Variants in SMC6 observed in about 807,000 individuals in gnomAD.
SMC6 encodes structural maintenance of chromosomes 6.
In SMC6, 79 loss-of-function variants were observed where a neutral mutation model predicts 142.2. The observed-to-expected ratio is 0.56, with a 90% CI of 0.46 to 0.67. The LOEUF (loss-of-function observed/expected upper bound fraction) is 0.67, where lower values mean the gene tolerates loss of function less well. Among genes scored for constraint, SMC6 ranks in the 30% least tolerant of loss-of-function variants. SMC6 has a pLI of 0.00. For missense variants in SMC6, 1,072 were observed against 1,284.0 expected, an observed-to-expected ratio of 0.83 and a Z score of 2.52; for synonymous variants, 411 against 412.4, an observed-to-expected ratio of 1.00 and a Z score of 0.04.
chr2:17,716,643 G>T, intron 14 of SMC6, 98 bp downstream of exon 14: 2 of 1,210,286 alleles, frequency 1.7e-6, no homozygotes, highest in Non-Finnish European at 1.2e-6. Context: ...CCCTTATTAT[G>T]TAGAAGAAAC....
chr2:17,672,068 C>T (rs1360894301), intron 25 of SMC6, among the ~76,000 whole-genome samples: 2 of 151,926 alleles, frequency 1.3e-5, no homozygotes, highest in South Asian at 2.1e-4. Context: ...AATTTTACAC[C>T]TATCATAAGT....
At chr2:17,675,560 T>C in intron 25 of SMC6, among the ~76,000 whole-genome samples, 1 of 152,138 alleles carries the variant, frequency 6.6e-6, no homozygotes, top group East Asian at 1.9e-4. Flanking sequence ...TTTCAGCTTT[T>C]GTTTGTCTGA....
chr2:17,751,741 G>C (rs560561217), intron 2 of SMC6, among the ~76,000 whole-genome samples: 1 of 152,296 alleles, frequency 6.6e-6, no homozygotes, highest in South Asian at 2.1e-4. Context: ...CAGTCAGCTG[G>C]ACTTATCGTT....
chr2:17,723,843 C>T (rs1323425731), intron 9 of SMC6, among the ~76,000 whole-genome samples: 2 of 152,160 alleles, frequency 1.3e-5, no homozygotes, highest in African/African-American at 4.8e-5. Context: ...TAGTTTCTAG[C>T]CTTTACATGC....
At chr2:17,679,050 AC>A in intron 24 of SMC6, 86 bp from the exon 25 acceptor site, 1 of 851,252 alleles carries the variant, frequency 1.2e-6, no homozygotes, top group Non-Finnish European at 1.8e-6. Flanking sequence ...ATGTGAGAAA[AC>A]CAGATGGAAA....
intron 25 of SMC6, among the ~76,000 whole-genome samples, chr2:17,678,122 C>G (rs1667082983): frequency 6.6e-6 from 1 of 151,946 alleles, no homozygotes; most frequent in Non-Finnish European, 1.5e-5. Flanking sequence ...GTGGCCAGAT[C>G]TAGGGACAAC....
rs561015394 is a variant in SMC6, at chr2:17,706,693, T to C, written c.2006+526A>G. 1.8e-4 allele frequency among the ~76,000 whole-genome samples: 28 copies of C among 152,300 alleles called. No individual in the cohort carries two copies. The South Asian group carries it at 5.8e-3, about 32-fold the overall frequency. ...ACCAAAATTTCTTTTTGCATGCTCA[T>C]GAATCTCTTAATAGTTTTTCGTTTA... On this transcript the variant is annotated intron_variant, in intron 18 of 27. Transcript: ENST00000448223.
chr2:17,695,059 A>G, intron 23 of SMC6, 93 bp downstream of exon 23: 1 of 1,390,140 alleles, frequency 7.2e-7, no homozygotes, highest in Non-Finnish European at 1.0e-6. Flanking sequence ...GTAACACTTC[A>G]TTCAAATTTA....
chr2:17,674,790 A>G (rs1666927575), intron 25 of SMC6, among the ~76,000 whole-genome samples: 1 of 152,044 alleles, frequency 6.6e-6, no homozygotes, highest in Non-Finnish European at 1.5e-5. Context: ...CTCTAGTAAT[A>G]TTTCTTGCAT....
At chr2:17,713,504 G>A (rs1205437493) in intron 16 of SMC6, 1 of 471,038 alleles carries the variant, frequency 2.1e-6, no homozygotes, top group African/African-American at 2.0e-5. Flanking sequence ...GGCAGTGCCA[G>A]GCACTCTTCT....
intron 13 of SMC6, 74 bp from the exon 14 acceptor site, chr2:17,716,979 G>A: frequency 6.6e-7 from 1 of 1,525,058 alleles, no homozygotes; most frequent in Non-Finnish European, 8.9e-7. Flanking sequence ...ACAAACCGAT[G>A]TAATAAAATT....
intron 25 of SMC6, among the ~76,000 whole-genome samples, chr2:17,673,158 CAG>C (rs1203752516): frequency 6.6e-6 from 1 of 152,144 alleles, no homozygotes; most frequent in East Asian, 1.9e-4. Context: ...TGATGACTAA[CAG>C]CGCTTTTTCA....
chr2:17,711,500 A>T (rs1668824106), intron 16 of SMC6, among the ~76,000 whole-genome samples: 1 of 152,064 alleles, frequency 6.6e-6, no homozygotes, highest in African/African-American at 2.4e-5. Flanking sequence ...GGACAAAATG[A>T]TTTTTTTTCA....
rs755290189 is a variant in SMC6, at chr2:17,716,728, T to C, written c.1346+13A>G. 25 of 1,603,996 alleles carry C rather than the reference T, an allele frequency of 1.6e-5. No individual in the cohort carries two copies. In the East Asian group the frequency reaches 5.1e-4, roughly 33 times the overall value. ...TAATTGAAAAAAATCATTCTAAGGA[T>C]GTTGCAACTTACTTAATTTTGCCAT... On this transcript the variant is annotated intron_variant, in intron 14 of 27. Transcript: ENST00000448223.
At chr2:17,697,225 T>C (rs537453620) in intron 21 of SMC6, among the ~76,000 whole-genome samples, 1 of 151,872 alleles carries the variant, frequency 6.6e-6, no homozygotes, top group African/African-American at 2.4e-5. Context: ...AGGTTCTGGA[T>C]AGTTCAGTTA....
chr2:17,733,849 T>C (rs1670019935), intron 5 of SMC6, among the ~76,000 whole-genome samples: 1 of 152,218 alleles, frequency 6.6e-6, no homozygotes, highest in Admixed American at 6.5e-5. Flanking sequence ...ATAAGATCAC[T>C]TCCTTATACA....
At chr2:17,687,628 T>C (rs368075262) in intron 23 of SMC6, among the ~76,000 whole-genome samples, 15 of 152,234 alleles carry the variant, frequency 9.9e-5, no homozygotes, top group African/African-American at 3.6e-4. Context: ...AACTGTTGCC[T>C]ATAGGGAGTG....
At position 17,746,051 on chromosome 2, in the gene SMC6, T is replaced by C. The variant is rs997782913; in HGVS notation, c.-5-100A>G. 4.3e-6 allele frequency: 5 copies of C among 1,155,722 alleles called. No individual in the cohort carries two copies. In the African/African-American group the frequency reaches 4.8e-5, roughly 11 times the overall value. The allele number at this position is 1,155,722 out of a possible 1,614,324, so 71.6% of individuals were successfully genotyped here. On this transcript the variant is annotated intron_variant, in intron 2 of 27. Transcript: ENST00000448223. ...AAGGCTAATTAAACTTTAGGTACTATGTCCATCCATTTTTACCTTAAAAAT... is the reference window on the plus strand; with the variant it reads ...AAGGCTAATTAAACTTTAGGTACTACGTCCATCCATTTTTACCTTAAAAAT...
chr2:17,678,644 C>A (rs1210679915), intron 25 of SMC6, among the ~76,000 whole-genome samples: 8 of 150,418 alleles, frequency 5.3e-5, no homozygotes, highest in African/African-American at 2.0e-4. Flanking sequence ...GGCATGGTGG[C>A]ATGCACCTAT....
Sources: gnomAD v4.1 joint callset for allele counts (sites outside exome capture counted in the v4.1 genomes callset) on GRCh38, gnomAD v4.1.1 for gene constraint, MANE v1.5 for transcripts, NCBI Gene and HGNC (gene_info 2026-07-23, HGNC 2026-07-21) for gene names.